The following VEZT variants were observed in gnomAD, a reference collection of about 807,000 sequenced individuals.
The protein encoded by VEZT is vezatin.
Under a neutral mutation model 79.9 loss-of-function variants are expected in VEZT, and 39 were observed. The observed-to-expected ratio is 0.49, with a 90% CI of 0.38 to 0.64. The LOEUF is 0.64. VEZT is among the 30% of genes least tolerant of loss of function. The pLI is 0.00. For missense variants in VEZT, 837 were observed against 893.1 expected, an observed-to-expected ratio of 0.94 and a Z score of 0.80; for synonymous variants, 325 against 327.6, an observed-to-expected ratio of 0.99 and a Z score of 0.09.
chr12:95,232,559 G>C (rs2059413712), intron 1 of VEZT, among the ~76,000 whole-genome samples: 1 of 152,168 alleles, frequency 6.6e-6, no homozygotes, highest in Non-Finnish European at 1.5e-5. Flanking sequence ...TTGTGCCAAT[G>C]CTTTGTGCCT....
At chr12:95,270,734 A>T (rs1293363007) in intron 6 of VEZT, among the ~76,000 whole-genome samples, 1 of 152,220 alleles carries the variant, frequency 6.6e-6, no homozygotes, top group African/African-American at 2.4e-5. Context: ...TTAGGATCAA[A>T]TGAGTTAATC....
chr12:95,235,563 C>T (rs1330887081), intron 1 of VEZT, among the ~76,000 whole-genome samples: 3 of 143,920 alleles, frequency 2.1e-5, no homozygotes, highest in Non-Finnish European at 3.1e-5. Context: ...ACCTCCCTCC[C>T]GGACGGGGCG....
At chr12:95,231,247 C>G (rs1593099234) in intron 1 of VEZT, among the ~76,000 whole-genome samples, 1 of 152,212 alleles carries the variant, frequency 6.6e-6, no homozygotes, top group Admixed American at 6.5e-5. Flanking sequence ...CTAAAAACAT[C>G]CTTTGAAGGC....
chr12:95,300,193 C>T lies in VEZT; in HGVS notation c.1860C>T (p.Asp620=). Residue 620 remains aspartate, a synonymous_variant, in exon 12 of 12, where the codon GAC becomes GAT. Coordinates refer to ENST00000436874, the MANE Select transcript of VEZT (RefSeq NM_017599.4). The stretch of plus-strand genomic sequence containing the variant: ...TGTTGAAATCCTTGTCTCCTGTAGA[C>T]CCAGTGGAACCCATAAGTAATTCAG... ...HAVLKSLSPV[D]PVEPISNSEP... is the part of the protein sequence containing the mutation. 6.5e-7 allele frequency: 1 copy of T among 1,542,008 alleles called. No individual in the cohort carries two copies. Among genetic ancestry groups the T allele is most frequent in the Non-Finnish European group, 8.7e-7 (1 of 1,143,766 alleles).
At chr12:95,239,679 C>T (rs774761113) in intron 1 of VEZT, among the ~76,000 whole-genome samples, 4 of 152,036 alleles carry the variant, frequency 2.6e-5, no homozygotes, top group Non-Finnish European at 5.9e-5. Context: ...AGGCCCAGCA[C>T]GGTAGCTCAC....
rs534603786 is a variant in VEZT, at chr12:95,289,735, A to T, written c.1522+1878A>T. Among the ~76,000 whole-genome samples, 17 of 152,358 alleles carry T rather than the reference A, an allele frequency of 1.1e-4. No individual in the cohort carries two copies. In the South Asian group the frequency reaches 3.3e-3, roughly 30 times the overall value. ...AAAATGTTCATTTGAATATTTTAAG[A>T]AGCAGGTACTTTAGTTAGCCATATC... On this transcript the variant is annotated intron_variant, in intron 9 of 11. Coordinates refer to ENST00000436874, the MANE Select transcript of VEZT (RefSeq NM_017599.4).
At chr12:95,278,268 C>A (rs776552832) in intron 7 of VEZT, among the ~76,000 whole-genome samples, 13 of 152,180 alleles carry the variant, frequency 8.5e-5, no homozygotes, top group Non-Finnish European at 2.9e-5. Context: ...GTTGCTGTAT[C>A]CCCATCCTAC....
intron 1 of VEZT, among the ~76,000 whole-genome samples, chr12:95,221,986 G>A (rs1312340048): frequency 2.0e-5 from 3 of 152,200 alleles, no homozygotes; most frequent in African/African-American, 7.2e-5. Context: ...CTGTGTGTAT[G>A]TTATATGCAA....
At chr12:95,237,818 A>G (rs149923857) in intron 1 of VEZT, among the ~76,000 whole-genome samples, 17 of 152,320 alleles carry the variant, frequency 1.1e-4, no homozygotes, top group African/African-American at 3.4e-4. Flanking sequence ...GCTAATAAGT[A>G]TAGAGCTCTC....
In VEZT at chr12:95,281,667, T is replaced by C. The variant is rs527814820; in HGVS notation, c.997-646T>C. Among the ~76,000 whole-genome samples the C allele has an allele frequency of 5.7e-4, 86 of 151,922 alleles. No individual in the cohort carries two copies. In the South Asian group the frequency reaches 0.013, roughly 23 times the overall value. On this transcript the variant is annotated intron_variant, in intron 7 of 11. Transcript: ENST00000436874. ...TTCAAATGATTTTCCTGCCTCGGCC[T>C]CCGAAGTAGCTGAGACTACAAGCAC...
At chr12:95,294,440 C>A in intron 10 of VEZT, 68 bp downstream of exon 10, 3 of 1,234,358 alleles carry the variant, frequency 2.4e-6, no homozygotes, top group Non-Finnish European at 3.5e-6. Context: ...AAAATTACAA[C>A]ATAATATATT....
intron 7 of VEZT, among the ~76,000 whole-genome samples, chr12:95,276,907 T>C (rs2067902488): frequency 6.6e-6 from 1 of 152,182 alleles, no homozygotes; most frequent in Non-Finnish European, 1.5e-5. Context: ...GACACCATCT[T>C]TCTTGTCCCT....
rs549113462 is a variant in VEZT at position 95,247,928 on chromosome 12, A to G, written c.37-4012A>G. Reference sequence around the variant, plus strand: ...ATGCAAATATGAAATATAATAGTAGATAACTAGAAATTACATTTTATTAAA... The same window carrying G: ...ATGCAAATATGAAATATAATAGTAGGTAACTAGAAATTACATTTTATTAAA... On this transcript the variant is annotated intron_variant, in intron 1 of 11. Transcript: ENST00000436874. 3.3e-5 allele frequency among the ~76,000 whole-genome samples: 5 copies of G among 152,346 alleles called. 1 individual carries two copies. Among genetic ancestry groups the G allele is most frequent in the African/African-American group, 1.2e-4 (5 of 41,582 alleles).
At chr12:95,223,099 T>C (rs1360867905) in intron 1 of VEZT, among the ~76,000 whole-genome samples, 1 of 152,220 alleles carries the variant, frequency 6.6e-6, no homozygotes, top group African/African-American at 2.4e-5. Context: ...TTATTAGTTA[T>C]ATTAGTTAAT....
rs909575117 is a variant in VEZT, at chr12:95,276,683, G to A, written c.996+1794G>A. ...AGTTTTTAAAACTTCCCTTGATACCGTGAAAATTAGTGCAAGTATTGTTGT... is the reference window on the plus strand; with the variant it reads ...AGTTTTTAAAACTTCCCTTGATACCATGAAAATTAGTGCAAGTATTGTTGT... On this transcript the variant is annotated intron_variant, in intron 7 of 11. Coordinates refer to ENST00000436874, the MANE Select transcript of VEZT (RefSeq NM_017599.4). Among the ~76,000 whole-genome samples, 17 of 152,156 alleles carry A rather than the reference G, an allele frequency of 1.1e-4. 1 individual carries two copies. The highest frequency in any genetic ancestry group is 3.4e-3 in the Middle Eastern group (1 of 294).
intron 1 of VEZT, among the ~76,000 whole-genome samples, chr12:95,233,997 T>C (rs985756228): frequency 2.6e-5 from 4 of 152,230 alleles, no homozygotes; most frequent in Non-Finnish European, 5.9e-5. Context: ...TAATAGTGTA[T>C]GATGTATCTG....
At chr12:95,281,716 T>C (rs925352735) in intron 7 of VEZT, among the ~76,000 whole-genome samples, 1 of 151,996 alleles carries the variant, frequency 6.6e-6, no homozygotes, top group Non-Finnish European at 1.5e-5. Flanking sequence ...TGGCTAAATT[T>C]TGTATTTTTA....
intron 9 of VEZT, among the ~76,000 whole-genome samples, chr12:95,290,992 C>T (rs1375763069): frequency 1.3e-5 from 2 of 152,008 alleles, no homozygotes; most frequent in Admixed American, 6.6e-5. Context: ...AGGCCAGGTG[C>T]GGTGGCTCAT....
intron 8 of VEZT, among the ~76,000 whole-genome samples, chr12:95,285,266 A>G (rs1200864077): frequency 6.6e-6 from 1 of 151,032 alleles, no homozygotes; most frequent in East Asian, 1.9e-4. Flanking sequence ...AACATGGGAA[A>G]CCCTTATCTC....
Sources: allele counts gnomAD v4.1 joint callset (sites outside exome capture counted in the v4.1 genomes callset), GRCh38; gene constraint gnomAD v4.1.1; transcripts MANE v1.5; gene names NCBI Gene and HGNC (gene_info 2026-07-23, HGNC 2026-07-21).